The following ABCC10 variants were observed in gnomAD, a reference collection of about 807,000 sequenced individuals.
ABCC10 encodes ATP binding cassette subfamily C member 10, also known as ATP-binding cassette sub-family C member 10.
A neutral mutation model predicts 143.2 loss-of-function variants in ABCC10; 110 were observed. That is an observed-to-expected ratio of 0.77 (90% CI 0.66 to 0.90). The LOEUF (loss-of-function observed/expected upper bound fraction) is 0.90. Among genes scored for constraint, ABCC10 ranks in the 40% least tolerant of loss-of-function variants. ABCC10 has a pLI of 0.00. For missense variants in ABCC10, 1,700 were observed against 1,900.5 expected, an observed-to-expected ratio of 0.89 and a Z score of 1.96; for synonymous variants, 805 against 846.7, an observed-to-expected ratio of 0.95 and a Z score of 0.85.
Position 43,445,719 on chromosome 6 carries a change from G to C in ABCC10, c.3151G>C (p.Ala1051Pro). ...FILNILLANA[A>P]GLLGLLAVLG... ...CCTCAACATCCTCCTGGCCAACGCGGCAGGCCTGCTGGGGCTCCTGGCCGT... is the reference window on the plus strand; with the variant it reads ...CCTCAACATCCTCCTGGCCAACGCGCCAGGCCTGCTGGGGCTCCTGGCCGT... The change falls in exon 15 of 22, where the codon GCA (alanine) becomes CCA (proline). Residue 1051 changes from alanine (A) to proline (P), a missense_variant. Transcript: ENST00000372530. 1 of 1,614,206 alleles carries C rather than the reference G, an allele frequency of 6.2e-7. No individual in the cohort carries two copies. Among genetic ancestry groups the C allele is most frequent in the Non-Finnish European group, 8.5e-7 (1 of 1,180,036 alleles).
intron 16 of ABCC10, 102 bp downstream of exon 16, chr6:43,446,548 C>A: frequency 6.8e-7 from 1 of 1,461,692 alleles, no homozygotes; most frequent in East Asian, 2.5e-5. Flanking sequence ...ACCTCCCACC[C>A]AGGGTTCCCT....
Position 43,427,977 on chromosome 6 carries a change from C to G in ABCC10, c.-2C>G. ...TCAACTTTCCCTTCAGGTGAGGCGTCCATGGAACGACTTCTGGCCCAGCTG... is the reference window on the plus strand; with the variant it reads ...TCAACTTTCCCTTCAGGTGAGGCGTGCATGGAACGACTTCTGGCCCAGCTG... On this transcript the variant is annotated 5_prime_UTR_variant, in exon 2 of 22. Transcript: ENST00000372530. 6.2e-7 allele frequency: 1 copy of G among 1,612,158 alleles called. No homozygotes were observed. Among genetic ancestry groups the G allele is most frequent in the Non-Finnish European group, 8.5e-7 (1 of 1,179,574 alleles).
chr6:43,448,981 C>T lies in ABCC10; in HGVS notation c.4060C>T (p.Gln1354Ter), dbSNP rs776167809. Residue 1354 changes from glutamine (Q) to a stop codon, truncating the protein, a stop_gained, in exon 19 of 22, where the codon CAG becomes TAG. Coordinates refer to ENST00000372530, the MANE Select transcript of ABCC10 (RefSeq NM_001198934.2). LOFTEE classifies it high-confidence loss of function. The stretch of plus-strand genomic sequence containing the variant: ...CCTACATAAGGACAGGGCCTTGTGG[C>T]AGGCCCTGAAGCAGTGCCACCTGAG... ...QGLHKDRALWQALKQCHLSEV... is the reference protein window; with the variant it reads ...QGLHKDRALW The T allele has an allele frequency of 6.2e-7, 1 of 1,614,198 alleles. No individual in the cohort carries two copies. The highest frequency in any genetic ancestry group is 8.5e-7 in the Non-Finnish European group (1 of 1,180,006).
intron 4 of ABCC10, 59 bp downstream of exon 4, chr6:43,434,907 A>T: frequency 6.4e-7 from 1 of 1,551,266 alleles, no homozygotes; most frequent in Non-Finnish European, 8.9e-7. Flanking sequence ...GTGAAGACAG[A>T]GGCTTGGGCC....
chr6:43,448,829 A>G, intron 18 of ABCC10, 52 bp from the exon 19 acceptor site: 2 of 1,556,480 alleles, frequency 1.3e-6, no homozygotes, highest in Non-Finnish European at 1.7e-6. Flanking sequence ...CTGAGCTGGG[A>G]GCAGAAGTGG....
Position 43,434,691 on chromosome 6 carries a change from G to A in ABCC10, c.1451G>A (p.Arg484Gln), listed in dbSNP as rs747618346. 5 of 1,614,182 alleles carry A rather than the reference G, an allele frequency of 3.1e-6. No individual in the cohort carries two copies. In the South Asian group the frequency reaches 3.3e-5, roughly 11 times the overall value. The stretch of plus-strand genomic sequence containing the variant: ...GGGTGGGAGCAGGCACTGGGAGCCC[G>A]AGTAGAGGCCTGCCGGGCTCGAGAG... ...FCGWEQALGA[R>Q]VEACRARELG... Residue 484 changes from arginine to glutamine, a missense_variant, in exon 4 of 22, where the codon CGA becomes CAA. Arg to Gln is a conservative substitution (Grantham distance 43). Coordinates refer to ENST00000372530, the MANE Select transcript of ABCC10 (RefSeq NM_001198934.2).
intron 6 of ABCC10, 116 bp from the exon 7 acceptor site, chr6:43,437,815 AAAG>A (rs1284386165): frequency 6.4e-6 from 6 of 934,888 alleles, no homozygotes; most frequent in South Asian, 1.4e-5. Context: ...CACACTAAAG[AAAG>A]AAGAAAAGAG....
At position 43,450,012 on chromosome 6, in the gene ABCC10, G is replaced by A. The variant is rs762227822; in HGVS notation, c.4400G>A (p.Arg1467His). ...GAGCTGGACTCCCCGGCCACCCTGC[G>A]CAACCAGCCCCACTCCCTGTTCCAG... ...VVELDSPATL[R>H]NQPHSLFQQL... The change falls in exon 22 of 22, where the codon CGC (arginine) becomes CAC (histidine). Residue 1467 changes from arginine to histidine, a missense_variant. Arg to His is a conservative substitution (Grantham distance 29). Coordinates refer to ENST00000372530, the MANE Select transcript of ABCC10 (RefSeq NM_001198934.2). The surrounding 1 kb of genome is among the most constrained non-coding windows in gnomAD (Gnocchi z 4.5). 38 of 1,613,362 alleles carry A rather than the reference G, an allele frequency of 2.4e-5. No homozygotes were observed. The highest frequency in any genetic ancestry group is 3.5e-4 in the Middle Eastern group (2 of 5,734).
At chr6:43,448,564 C>A (rs1181659943) in intron 18 of ABCC10, among the ~76,000 whole-genome samples, 1 of 152,232 alleles carries the variant, frequency 6.6e-6, no homozygotes, top group Non-Finnish European at 1.5e-5. Flanking sequence ...GCCACTGCCA[C>A]CCCTGGAGTC....
Position 43,448,880 on chromosome 6 carries a change from G to C in ABCC10, c.3960-1G>C, listed in dbSNP as rs775764425. The C allele has an allele frequency of 2.5e-6, 4 of 1,609,534 alleles. No homozygotes were observed. The highest frequency in any genetic ancestry group is 3.4e-6 in the Non-Finnish European group (4 of 1,178,166). ...CTAGACTCCATGTCATTGTCCCCCA[G>C]ATCCCAGTTGGCTATCATCCCCCAG... On this transcript the variant is annotated splice_acceptor_variant, in intron 18 of 21. Transcript: ENST00000372530. LOFTEE classifies it high-confidence loss of function.
chr6:43,438,553 G>A, intron 7 of ABCC10, 71 bp from the exon 8 acceptor site: 5 of 1,562,450 alleles, frequency 3.2e-6, no homozygotes, highest in Non-Finnish European at 4.3e-6. Flanking sequence ...AGGCTTCTAG[G>A]AGTCAAGGGC....
At position 43,432,533 on chromosome 6, in the gene ABCC10, T is replaced by A; in HGVS notation, c.553T>A (p.Tyr185Asn). ...LILQLAALLA[Y>N]ALGWAAPGGP... Reference sequence around the variant, plus strand: ...CCTGCAGCTGGCTGCACTCTTGGCCTATGCACTGGGATGGGCAGCTCCTGG... The same window carrying A: ...CCTGCAGCTGGCTGCACTCTTGGCCAATGCACTGGGATGGGCAGCTCCTGG... The change falls in exon 3 of 22, where the codon TAT becomes AAT. Residue 185 changes from tyrosine to asparagine, a missense_variant. By Grantham distance (143) the Tyr-to-Asn change is moderately radical. Coordinates refer to ENST00000372530, the MANE Select transcript of ABCC10 (RefSeq NM_001198934.2). 6.2e-7 allele frequency: 1 copy of A among 1,612,834 alleles called. No homozygotes were observed. Among genetic ancestry groups the A allele is most frequent in the Non-Finnish European group, 8.5e-7 (1 of 1,180,012 alleles).
At chr6:43,448,693 T>A (rs113925876) in intron 18 of ABCC10, among the ~76,000 whole-genome samples, 188 bp from the exon 19 acceptor site, 6 of 152,262 alleles carry the variant, frequency 3.9e-5, no homozygotes, top group African/African-American at 1.4e-4. Context: ...CTCATAGCAC[T>A]GGCACAGTTC....
rs765325667 is a variant in ABCC10, at chr6:43,445,957, G to C, written c.3374+15G>C. ...GCCACCTACAGGTGTGTGAACCAGA[G>C]CCCAGGGGGATGAGGTGTTGGGGGG... On this transcript the variant is annotated intron_variant, in intron 15 of 21. Coordinates refer to ENST00000372530, the MANE Select transcript of ABCC10 (RefSeq NM_001198934.2). 3 of 1,602,866 alleles carry C rather than the reference G, an allele frequency of 1.9e-6. No homozygotes were observed. The Admixed American group carries it at 5.1e-5, about 27-fold the overall frequency.
In ABCC10 at chr6:43,444,232, C is replaced by T; in HGVS notation, c.2568C>T (p.Arg856=). Residue 856 remains arginine (R), a synonymous_variant, in exon 12 of 22, where the codon CGC becomes CGT. Transcript: ENST00000372530. ...GLEEEQSTSG[R]LLQEESKKEG... ...AGGAGGAGCAGAGCACATCTGGTCG[C>T]CTGCTGCAGGAAGAAAGCAAGAAGG... 2.5e-6 allele frequency: 4 copies of T among 1,614,152 alleles called. No individual in the cohort carries two copies. The highest frequency in any genetic ancestry group is 3.4e-6 in the Non-Finnish European group (4 of 1,180,024).
rs115161339 is a variant in ABCC10 at position 43,447,205 on chromosome 6, C to A, written c.3545-43C>A. The A allele has an allele frequency of 2.1e-3, 3,281 of 1,594,368 alleles. 67 individuals are homozygous for A. The African/African-American group carries it at 0.039, about 19-fold the overall frequency. On this transcript the variant is annotated intron_variant, in intron 16 of 21. Coordinates refer to ENST00000372530, the MANE Select transcript of ABCC10 (RefSeq NM_001198934.2). ...CCTGGGGAGTCTCCCACAAACGTCC[C>A]GGTGTCCAAGCTCTCCCAGCAGCTG...
intron 18 of ABCC10, chr6:43,448,158 C>T: frequency 1.4e-6 from 1 of 730,198 alleles, no homozygotes; most frequent in Non-Finnish European, 2.4e-6. Flanking sequence ...TGACCCAGGC[C>T]ACCTTTCCAG....
chr6:43,441,093 ACT>A (rs1381476785), intron 8 of ABCC10, among the ~76,000 whole-genome samples: 3 of 151,150 alleles, frequency 2.0e-5, no homozygotes, highest in Non-Finnish European at 4.4e-5. Flanking sequence ...ACAGAGCAAG[ACT>A]CTGTCTCACA....
chr6:43,445,891 C>T lies in ABCC10; in HGVS notation c.3323C>T (p.Ala1108Val), dbSNP rs770632026. The change falls in exon 15 of 22, where the codon GCC (alanine) becomes GTC (valine). Residue 1108 changes from alanine to valine, a missense_variant. By Grantham distance (64) the Ala-to-Val change is moderately conservative. Coordinates refer to ENST00000372530, the MANE Select transcript of ABCC10 (RefSeq NM_001198934.2). ...CTGTCTCCACTGTATAGCCATCTGG[C>T]CGATACCTTGGCTGGCCTCTCTGTG... ...LTLSPLYSHL[A>V]DTLAGLSVLR... is the part of the protein sequence containing the mutation. The T allele has an allele frequency of 1.9e-6, 3 of 1,613,792 alleles. No individual in the cohort carries two copies. The Admixed American group carries it at 5.0e-5, about 27-fold the overall frequency.
Sources: gnomAD v4.1 joint callset for allele counts (sites outside exome capture counted in the v4.1 genomes callset) on GRCh38, gnomAD v4.1.1 for gene constraint, Gnocchi (gnomAD v3.1) non-coding constraint, MANE v1.5 for transcripts, NCBI Gene and HGNC (gene_info 2026-07-23, HGNC 2026-07-21) for gene names.